ZFHX3: variants seen among roughly 807,000 people sequenced by gnomAD.
The protein encoded by ZFHX3 is zinc finger homeobox protein 3.
ZFHX3 carries 42 observed loss-of-function variants against 279.1 expected under a neutral mutation model. The observed-to-expected ratio is 0.15, with a 90% CI of 0.12 to 0.19. The LOEUF is 0.19. ZFHX3 is among the 10% of genes least tolerant of loss of function. The pLI, the probability that ZFHX3 is intolerant of heterozygous loss-of-function variation, is 1.00. For missense variants in ZFHX3, 4,981 were observed against 4,754.0 expected (o/e 1.05, Z -1.40); for synonymous variants, 2,293 against 1,957.8 (o/e 1.17, Z -4.52).
intron 2 of ZFHX3, among the ~76,000 whole-genome samples, chr16:73,473,354 AAAACAAAAAAAAAAAAAAC>A (rs2018706074): frequency 2.0e-5 from 1 of 49,882 alleles, no homozygotes; most frequent in African/African-American, 7.4e-5. Context: ...AAAAAAAAAA[AAAACAAAAAAAAAAAAAAC>A]AAAATAATAA....
chr16:72,958,369 C>G lies in ZFHX3; in HGVS notation c.1777G>C (p.Glu593Gln), dbSNP rs746207124. ...GTGGCATTGTCTTTATTGGCACTTT[C>G]GTCAGCGAAGTCCAGCCTCCTGCCG... is the stretch of plus-strand genomic sequence containing the variant. ...EGGRRLDFAD[E>Q]SANKDNATAP... Residue 593 changes from glutamate (E) to glutamine (Q), a missense_variant, in exon 2 of 10, where the codon GAA becomes CAA. Transcript: ENST00000268489. The G allele has an allele frequency of 6.8e-6, 11 of 1,614,026 alleles. No individual in the cohort carries two copies. The highest frequency in any genetic ancestry group is 1.7e-5 in the Admixed American group (1 of 60,010).
intron 7 of ZFHX3, chr16:73,130,896 A>C (rs34115176): frequency 0.23 from 280,795 of 1,231,012 alleles, 33,593 homozygotes; most frequent in African/African-American, 0.37. Context: ...GGGTGAGCCA[A>C]CACGCTGGGC....
At chr16:72,949,197 T>C (rs1310601379) in intron 3 of ZFHX3, among the ~76,000 whole-genome samples, 1 of 152,232 alleles carries the variant, frequency 6.6e-6, no homozygotes, top group Non-Finnish European at 1.5e-5. Flanking sequence ...ACTAGAAGTC[T>C]TCCTTATATG....
At chr16:73,787,169 C>G (rs939402321) in intron 1 of ZFHX3, among the ~76,000 whole-genome samples, 6 of 152,180 alleles carry the variant, frequency 3.9e-5, no homozygotes, top group African/African-American at 1.4e-4. Context: ...TGAGTTACAT[C>G]TTCTTAGGAG....
chr16:73,842,026 C>T (rs143961429), intron 1 of ZFHX3, among the ~76,000 whole-genome samples: 3 of 151,052 alleles, frequency 2.0e-5, no homozygotes, highest in Admixed American at 6.6e-5. Flanking sequence ...ACCAGCCTGA[C>T]CAACATGGTG....
At chr16:73,747,477 C>G (rs576989064) in intron 1 of ZFHX3, among the ~76,000 whole-genome samples, 1 of 152,292 alleles carries the variant, frequency 6.6e-6, no homozygotes, top group African/African-American at 2.4e-5. Context: ...AGAAATAAAT[C>G]TTACTTGGTT....
At chr16:72,876,207 A>AAC (rs1196328226) in intron 4 of ZFHX3, among the ~76,000 whole-genome samples, 3 of 152,186 alleles carry the variant, frequency 2.0e-5, no homozygotes, top group African/African-American at 7.2e-5. Context: ...TTTCATTGAG[A>AAC]TGGTAGGGGT....
At chr16:73,139,203 A>C (rs1015792190) in intron 6 of ZFHX3, among the ~76,000 whole-genome samples, 3 of 152,252 alleles carry the variant, frequency 2.0e-5, no homozygotes, top group Non-Finnish European at 4.4e-5. Context: ...GGTATATCCA[A>C]CACTGGAATG....
chr16:73,264,621 G>A (rs576593918), intron 4 of ZFHX3, among the ~76,000 whole-genome samples: 1 of 151,858 alleles, frequency 6.6e-6, no homozygotes, highest in Admixed American at 6.6e-5. Context: ...GGAACGGGTG[G>A]TATTTGGTTA....
Position 73,880,380 on chromosome 16 carries a change from TC to T in ZFHX3, c.-1608+11270del, listed in dbSNP as rs906221572. Among the ~76,000 whole-genome samples the T allele has an allele frequency of 8.3e-4, 127 of 152,240 alleles. 2 individuals are homozygous for T. Among genetic ancestry groups the T allele is most frequent in the African/African-American group, 3.1e-3 (127 of 41,544 alleles). On this transcript the variant is annotated intron_variant, in intron 1 of 17. Coordinates refer to the ZFHX3 transcript ENST00000641206. Reference sequence around the variant, plus strand: ...AAATAGGTCATCTTTAAATGAGAACTCTTTTTTTCCCTATAACAGGAAATCT... The same window carrying T: ...AAATAGGTCATCTTTAAATGAGAACTTTTTTTTCCCTATAACAGGAAATCT...
chr16:73,164,737 A>G (rs1032268659), intron 5 of ZFHX3, among the ~76,000 whole-genome samples: 1 of 151,490 alleles, frequency 6.6e-6, no homozygotes, highest in Non-Finnish European at 1.5e-5. Flanking sequence ...AACCCACACC[A>G]TCTATTTGGC....
chr16:73,553,414 A>G (rs912728989), intron 2 of ZFHX3, among the ~76,000 whole-genome samples: 1 of 152,172 alleles, frequency 6.6e-6, no homozygotes, highest in Non-Finnish European at 1.5e-5. Context: ...CACTGTCATC[A>G]GGGACTCTAG....
chr16:73,597,880 G>A (rs557589750), intron 2 of ZFHX3, among the ~76,000 whole-genome samples: 1 of 152,328 alleles, frequency 6.6e-6, no homozygotes, highest in East Asian at 1.9e-4. Flanking sequence ...CTGGAGTTCA[G>A]TATAGCCCTT....
intron 4 of ZFHX3, among the ~76,000 whole-genome samples, chr16:72,865,618 G>T (rs1400039735): frequency 7.6e-6 from 1 of 131,078 alleles, no homozygotes; most frequent in Non-Finnish European, 1.6e-5. Context: ...GAGAAGGCGA[G>T]TTTTTGCTAC....
At chr16:73,165,186 G>A (rs1967330589) in intron 5 of ZFHX3, among the ~76,000 whole-genome samples, 1 of 152,182 alleles carries the variant, frequency 6.6e-6, no homozygotes, top group Non-Finnish European at 1.5e-5. Context: ...GGAACACAGG[G>A]AGGGCAGGAG....
intron 1 of ZFHX3, among the ~76,000 whole-genome samples, chr16:73,824,381 CT>C (rs770822715): frequency 0.083 from 9,316 of 112,024 alleles, 909 homozygotes; most frequent in African/African-American, 0.26. Context: ...CAAATAATTT[CT>C]TTTTTTTTTT....
At chr16:73,488,844 A>G (rs1012799309) in intron 2 of ZFHX3, among the ~76,000 whole-genome samples, 3 of 152,206 alleles carry the variant, frequency 2.0e-5, no homozygotes, top group Non-Finnish European at 4.4e-5. Context: ...TTTGTTCTAG[A>G]AAGAACCAAA....
In ZFHX3 at chr16:73,877,038, C is replaced by CA. The variant is rs1312286788; in HGVS notation, c.-1608+14612dup. 8.6e-3 allele frequency among the ~76,000 whole-genome samples: 1,065 copies of CA among 123,858 alleles called. 7 individuals are homozygous for CA. The highest frequency in any genetic ancestry group is 0.024 in the African/African-American group (819 of 33,994). The allele number at this position is 123,858 out of a possible 152,430, so 81.3% of individuals were successfully genotyped here. ...TAACTTTATTTTTAATGATGACTTTCAAAAAAAAAAAACAACAACAACAAG... is the reference window on the plus strand; with the variant it reads ...TAACTTTATTTTTAATGATGACTTTCAAAAAAAAAAAAACAACAACAACAAG... On this transcript the variant is annotated intron_variant, in intron 1 of 17. Transcript: ENST00000641206.
chr16:73,175,602 T>A (rs998067750), intron 5 of ZFHX3, among the ~76,000 whole-genome samples: 1 of 152,206 alleles, frequency 6.6e-6, no homozygotes, highest in African/African-American at 2.4e-5. Context: ...CCATGATAGG[T>A]GCTCGATAAA....
Sources: gnomAD v4.1 joint callset for allele counts (sites outside exome capture counted in the v4.1 genomes callset) on GRCh38, gnomAD v4.1.1 for gene constraint, MANE v1.5 for transcripts, NCBI Gene and HGNC (gene_info 2026-07-23, HGNC 2026-07-21) for gene names.